The following RIT2 variants were observed in gnomAD, a reference collection of about 807,000 sequenced individuals.
The protein encoded by RIT2 is Ras like without CAAX 2.
Under a neutral mutation model 23.7 loss-of-function variants are expected in RIT2, and 24 were observed. The ratio of observed to expected loss-of-function variants is 1.01; its 90% CI spans 0.73 to 1.43. RIT2 has a LOEUF of 1.43. Ranked by LOEUF, RIT2 falls within the 40% of genes most tolerant of loss-of-function variation. The pLI, the probability that RIT2 is intolerant of heterozygous loss-of-function variation, is 0.00. For missense variants in RIT2, 236 were observed against 266.9 expected, an observed-to-expected ratio of 0.88 and a Z score of 0.81; for synonymous variants, 107 against 91.1, an observed-to-expected ratio of 1.17 and a Z score of -0.99.
At chr18:42,974,027 G>A (rs1910422090) in intron 3 of RIT2, 47 bp downstream of exon 3, 1 of 1,235,040 alleles carries the variant, frequency 8.1e-7, no homozygotes, top group Non-Finnish European at 1.2e-6. Context: ...TGAAGCTAAA[G>A]CATAAAATAA....
chr18:42,843,041 C>T, intron 4 of RIT2, among the ~76,000 whole-genome samples: 1 of 152,160 alleles, frequency 6.6e-6, no homozygotes, highest in East Asian at 1.9e-4. Flanking sequence ...TTTTACCTAA[C>T]ATCTGCCTTG....
At chr18:43,008,919 T>A (rs956516994) in intron 2 of RIT2, among the ~76,000 whole-genome samples, 5 of 151,590 alleles carry the variant, frequency 3.3e-5, no homozygotes, top group African/African-American at 9.7e-5. Flanking sequence ...GTTTCCTAAT[T>A]GGTTAAAAAT....
chr18:43,000,844 C>T (rs1911087717), intron 2 of RIT2, among the ~76,000 whole-genome samples: 1 of 151,970 alleles, frequency 6.6e-6, no homozygotes, highest in Admixed American at 6.6e-5. Context: ...ATTACCCAGT[C>T]TCAGGTATTT....
At chr18:43,013,947 G>A (rs1239728474) in intron 2 of RIT2, among the ~76,000 whole-genome samples, 3 of 151,730 alleles carry the variant, frequency 2.0e-5, no homozygotes, top group Non-Finnish European at 4.4e-5. Flanking sequence ...TTCTCTTAAG[G>A]AATGAAAATA....
intron 2 of RIT2, among the ~76,000 whole-genome samples, chr18:42,977,627 A>G (rs540039029): frequency 6.6e-6 from 1 of 151,998 alleles, no homozygotes; most frequent in Non-Finnish European, 1.5e-5. Flanking sequence ...ACACATGGGC[A>G]CATACAATCA....
At chr18:42,952,370 G>A (rs2073312276) in intron 3 of RIT2, among the ~76,000 whole-genome samples, 1 of 152,054 alleles carries the variant, frequency 6.6e-6, no homozygotes, top group Non-Finnish European at 1.5e-5. Flanking sequence ...TGGTTGCCAG[G>A]GGCTAGAGAG....
chr18:43,025,349 A>G (rs1377164753), intron 2 of RIT2, among the ~76,000 whole-genome samples: 6 of 150,920 alleles, frequency 4.0e-5, no homozygotes, highest in Non-Finnish European at 7.4e-5. Context: ...AAATTAGTAC[A>G]AACTCTGCAG....
At chr18:42,842,772 C>A (rs755673240) in intron 4 of RIT2, among the ~76,000 whole-genome samples, 2 of 152,044 alleles carry the variant, frequency 1.3e-5, no homozygotes, top group Non-Finnish European at 2.9e-5. Flanking sequence ...AGTCAAAACA[C>A]AAAAAATTCA....
Position 42,987,522 on chromosome 18 carries a change from G to T in RIT2, c.161-13375C>A, listed in dbSNP as rs141101434. Among the ~76,000 whole-genome samples the T allele has an allele frequency of 6.1e-3, 924 of 152,248 alleles. 4 individuals carry two copies. Among genetic ancestry groups the T allele is most frequent in the African/African-American group, 0.021 (867 of 41,534 alleles). Reference sequence around the variant, plus strand: ...TGTGTTATACAACAAAAACACACTGGAACACTTTATTGCAAGCAATTTCAC... The same window carrying T: ...TGTGTTATACAACAAAAACACACTGTAACACTTTATTGCAAGCAATTTCAC... On this transcript the variant is annotated intron_variant, in intron 2 of 4. Coordinates refer to ENST00000326695, the MANE Select transcript of RIT2 (RefSeq NM_002930.4).
At chr18:42,759,395 T>A (rs1044509746) in intron 4 of RIT2, among the ~76,000 whole-genome samples, 2 of 152,168 alleles carry the variant, frequency 1.3e-5, no homozygotes, top group African/African-American at 4.8e-5. Context: ...GAAAACAGTT[T>A]GGGAATACTT....
intron 4 of RIT2, among the ~76,000 whole-genome samples, chr18:42,867,040 G>A (rs1338567084): frequency 6.6e-6 from 1 of 152,142 alleles, no homozygotes; most frequent in African/African-American, 2.4e-5. Flanking sequence ...GCCATCATGT[G>A]TTCAATGTGA....
intron 4 of RIT2, among the ~76,000 whole-genome samples, chr18:42,916,202 A>G (rs1025712398): frequency 6.6e-6 from 1 of 152,124 alleles, no homozygotes; most frequent in African/African-American, 2.4e-5. Context: ...TTTCTAATGA[A>G]GATCACAGGT....
At chr18:43,061,092 A>G (rs967622628) in intron 1 of RIT2, among the ~76,000 whole-genome samples, 3 of 152,164 alleles carry the variant, frequency 2.0e-5, no homozygotes, top group Non-Finnish European at 4.4e-5. Flanking sequence ...CTGTAAGGTA[A>G]GTAGTACAGT....
At chr18:42,822,600 G>T (rs1262856417) in intron 4 of RIT2, among the ~76,000 whole-genome samples, 3 of 152,090 alleles carry the variant, frequency 2.0e-5, no homozygotes, top group Non-Finnish European at 2.9e-5. Flanking sequence ...AGTGTCAAGA[G>T]ACCTGCACCA....
chr18:42,993,869 C>G (rs1260093556), intron 2 of RIT2, among the ~76,000 whole-genome samples: 1 of 152,126 alleles, frequency 6.6e-6, no homozygotes, highest in Non-Finnish European at 1.5e-5. Context: ...ACGCCAATAT[C>G]CCATCCCACA....
intron 3 of RIT2, among the ~76,000 whole-genome samples, chr18:42,973,524 C>G (rs1195626393): frequency 6.6e-6 from 1 of 151,860 alleles, no homozygotes; most frequent in African/African-American, 2.4e-5. Context: ...TCACAACTTA[C>G]TTATAATTGT....
chr18:43,089,053 C>T (rs537043004), intron 1 of RIT2, among the ~76,000 whole-genome samples: 187 of 152,130 alleles, frequency 1.2e-3, no homozygotes, highest in Non-Finnish European at 2.4e-3. Flanking sequence ...CAGAAGATAA[C>T]GATGCCCTTT....
chr18:42,982,209 G>T (rs893526870), intron 2 of RIT2, among the ~76,000 whole-genome samples: 1 of 152,184 alleles, frequency 6.6e-6, no homozygotes, highest in Admixed American at 6.6e-5. Context: ...GTAAGACCTG[G>T]AGTCCAAAGG....
chr18:42,836,284 A>G (rs1906600653), intron 4 of RIT2, among the ~76,000 whole-genome samples: 1 of 152,144 alleles, frequency 6.6e-6, no homozygotes, highest in African/African-American at 2.4e-5. Context: ...AAGGATCTAC[A>G]ATAGATTCCG....
Sources: allele counts gnomAD v4.1 joint callset (sites outside exome capture counted in the v4.1 genomes callset), GRCh38; gene constraint gnomAD v4.1.1; transcripts MANE v1.5; gene names NCBI Gene and HGNC (gene_info 2026-07-23, HGNC 2026-07-21).